SPPL3: variants seen among roughly 807,000 people sequenced by gnomAD.
SPPL3 encodes the protein signal peptide peptidase like 3, also known as signal peptide peptidase-like 3.
In SPPL3, 5 loss-of-function variants were observed where a neutral mutation model predicts 42.4. That is an observed-to-expected ratio of 0.12 (90% CI 0.06 to 0.25). The LOEUF (loss-of-function observed/expected upper bound fraction) is 0.25, where lower values mean the gene tolerates loss of function less well. SPPL3 is among the 10% of genes least tolerant of loss of function. The pLI is 1.00. For synonymous variants in SPPL3, 195 were observed against 181.8 expected (o/e 1.07, Z -0.58); for missense variants, 235 against 489.0 (o/e 0.48, Z 4.90).
At chr12:120,810,098 C>G (rs1412874251) in intron 2 of SPPL3, among the ~76,000 whole-genome samples, 1 of 151,946 alleles carries the variant, frequency 6.6e-6, no homozygotes, top group Non-Finnish European at 1.5e-5. Flanking sequence ...GCCTCAGTCT[C>G]CTGAGTAGCT....
At chr12:120,818,572 CAG>C (rs776914245) in intron 1 of SPPL3, among the ~76,000 whole-genome samples, 11 of 152,206 alleles carry the variant, frequency 7.2e-5, no homozygotes, top group Non-Finnish European at 1.3e-4. Context: ...AACTGAGACA[CAG>C]AGAGTACTGT....
At chr12:120,788,400 C>A (rs1280485802) in intron 3 of SPPL3, among the ~76,000 whole-genome samples, 1 of 152,076 alleles carries the variant, frequency 6.6e-6, no homozygotes, top group East Asian at 1.9e-4. Flanking sequence ...TGGTCAAATA[C>A]CCTAGGGCAC....
chr12:120,781,463 TATAAC>T (rs141767075), intron 6 of SPPL3, among the ~76,000 whole-genome samples: 9,851 of 151,288 alleles, frequency 0.065, 544 homozygotes, highest in East Asian at 0.29. Context: ...GCAGGTTATA[TATAAC>T]ATGTTATATT....
chr12:120,878,837 G>A (rs1182386546), intron 1 of SPPL3, among the ~76,000 whole-genome samples: 1 of 152,090 alleles, frequency 6.6e-6, no homozygotes, highest in Non-Finnish European at 1.5e-5. Flanking sequence ...GATAAGGCCG[G>A]GCGCAGTGGC....
intron 1 of SPPL3, among the ~76,000 whole-genome samples, chr12:120,839,007 G>A (rs891604851): frequency 6.6e-6 from 1 of 151,936 alleles, no homozygotes; most frequent in Admixed American, 6.6e-5. Context: ...CCCATTACTG[G>A]GTATATATCC....
intron 10 of SPPL3, among the ~76,000 whole-genome samples, chr12:120,766,050 T>C (rs763149707): frequency 1.3e-5 from 2 of 151,890 alleles, no homozygotes; most frequent in Non-Finnish European, 2.9e-5. Flanking sequence ...TTTCTGTCAG[T>C]GGCTGCACGA....
At chr12:120,884,074 G>T (rs1486135406) in intron 1 of SPPL3, among the ~76,000 whole-genome samples, 1 of 148,954 alleles carries the variant, frequency 6.7e-6, no homozygotes, top group Non-Finnish European at 1.5e-5. Flanking sequence ...GCACTCCAGC[G>T]TGGGCAACAA....
intron 1 of SPPL3, among the ~76,000 whole-genome samples, chr12:120,820,341 A>G (rs1235255412): frequency 7.8e-6 from 1 of 128,476 alleles, no homozygotes; most frequent in African/African-American, 3.1e-5. Flanking sequence ...GTGAGACAAG[A>G]GTCTCGCTCT....
intron 1 of SPPL3, among the ~76,000 whole-genome samples, chr12:120,888,605 C>T (rs115997698): frequency 0.013 from 2,039 of 152,142 alleles, 35 homozygotes; most frequent in African/African-American, 0.043. Context: ...AGAACAAATC[C>T]GTAGAGGCCA....
intron 2 of SPPL3, among the ~76,000 whole-genome samples, chr12:120,795,705 T>C (rs1008371762): frequency 2.6e-5 from 4 of 152,190 alleles, no homozygotes; most frequent in African/African-American, 7.2e-5. Flanking sequence ...GTTTTCTTCA[T>C]GTTTTTTGTG....
At chr12:120,846,536 T>C (rs1163951351) in intron 1 of SPPL3, among the ~76,000 whole-genome samples, 3 of 152,224 alleles carry the variant, frequency 2.0e-5, no homozygotes, top group African/African-American at 7.2e-5. Flanking sequence ...TGTTTTATTC[T>C]ATAAAAGCTA....
At chr12:120,849,491 G>A (rs769260633) in intron 1 of SPPL3, among the ~76,000 whole-genome samples, 1 of 152,146 alleles carries the variant, frequency 6.6e-6, no homozygotes, top group Non-Finnish European at 1.5e-5. Flanking sequence ...AGGTTACCAA[G>A]ATATAGCAAA....
chr12:120,874,756 TGTGTGA>T (rs539401314), intron 1 of SPPL3, among the ~76,000 whole-genome samples: 27 of 151,786 alleles, frequency 1.8e-4, no homozygotes, highest in African/African-American at 6.3e-4. Context: ...TAGGAGAGGA[TGTGTGA>T]GTGTGAGTGT....
intron 6 of SPPL3, among the ~76,000 whole-genome samples, chr12:120,782,407 G>A (rs1466699124): frequency 6.6e-6 from 1 of 152,098 alleles, no homozygotes; most frequent in African/African-American, 2.4e-5. Context: ...GCCACATAAT[G>A]TATGATTCCA....
chr12:120,792,997 T>A (rs773362684), intron 2 of SPPL3, among the ~76,000 whole-genome samples: 1 of 152,080 alleles, frequency 6.6e-6, no homozygotes, highest in Non-Finnish European at 1.5e-5. Flanking sequence ...AGACAACCCA[T>A]AGGATGGGAG....
At chr12:120,782,599 G>C in intron 6 of SPPL3, 56 bp downstream of exon 6, 11 of 1,303,826 alleles carry the variant, frequency 8.4e-6, no homozygotes. Context: ...ATATCCTAAA[G>C]TATCTATAAA....
At chr12:120,869,232 G>A (rs577092133) in intron 1 of SPPL3, among the ~76,000 whole-genome samples, 25 of 152,250 alleles carry the variant, frequency 1.6e-4, no homozygotes, top group African/African-American at 5.8e-4. Context: ...TGGTGACTAC[G>A]ATACCATGAG....
chr12:120,816,319 A>G (rs1870873654), intron 1 of SPPL3, among the ~76,000 whole-genome samples: 1 of 152,226 alleles, frequency 6.6e-6, no homozygotes, highest in Non-Finnish European at 1.5e-5. Flanking sequence ...ATAAACCTAT[A>G]CAAGAAAATC....
At chr12:120,794,085 A>T (rs1870016899) in intron 2 of SPPL3, among the ~76,000 whole-genome samples, 1 of 152,240 alleles carries the variant, frequency 6.6e-6, no homozygotes, top group Non-Finnish European at 1.5e-5. Flanking sequence ...TTTATTAGAT[A>T]CATAAACATT....
Sources: gnomAD v4.1 joint callset for allele counts (sites outside exome capture counted in the v4.1 genomes callset) on GRCh38, gnomAD v4.1.1 for gene constraint, MANE v1.5 for transcripts, NCBI Gene and HGNC (gene_info 2026-07-23, HGNC 2026-07-21) for gene names.